The following NRG1 variants were observed in gnomAD, a reference collection of about 807,000 sequenced individuals.
NRG1 encodes pro-neuregulin-1, membrane-bound isoform.
A neutral mutation model predicts 63.8 loss-of-function variants in NRG1; 18 were observed. The ratio of observed to expected loss-of-function variants is 0.28; its 90% CI spans 0.19 to 0.42. The LOEUF (loss-of-function observed/expected upper bound fraction) is 0.42. Ranked by LOEUF, NRG1 falls within the 10% of genes least tolerant of loss-of-function variation. NRG1 has a pLI of 1.00. For missense variants in NRG1, 762 were observed against 814.7 expected (o/e 0.94, Z 0.79); for synonymous variants, 302 against 301.3 (o/e 1.00, Z -0.02).
chr8:32,413,406 G>A (rs1182088146), intron 1 of NRG1, among the ~76,000 whole-genome samples: 1 of 152,144 alleles, frequency 6.6e-6, no homozygotes, highest in Admixed American at 6.6e-5. Flanking sequence ...TATGCTCGAT[G>A]AGACCCTGAA....
chr8:32,726,387 C>T (rs572564757), intron 5 of NRG1, among the ~76,000 whole-genome samples: 8 of 152,084 alleles, frequency 5.3e-5, no homozygotes, highest in African/African-American at 1.4e-4. Context: ...TGTAAGAGTG[C>T]CATTACCCCT....
chr8:31,712,103 T>G (rs1428517759), intron 1 of NRG1, among the ~76,000 whole-genome samples: 2 of 152,046 alleles, frequency 1.3e-5, no homozygotes, highest in African/African-American at 2.4e-5. Context: ...TCATTTTATT[T>G]TGTTCTCCTT....
intron 1 of NRG1, among the ~76,000 whole-genome samples, chr8:31,703,880 C>A (rs1019574164): frequency 6.6e-6 from 1 of 152,196 alleles, no homozygotes; most frequent in Non-Finnish European, 1.5e-5. Flanking sequence ...CTGCTTTTGT[C>A]TGATTTGTAC....
At chr8:32,001,334 G>A (rs2129665200) in intron 1 of NRG1, among the ~76,000 whole-genome samples, 1 of 151,964 alleles carries the variant, frequency 6.6e-6, no homozygotes, top group Non-Finnish European at 1.5e-5. Flanking sequence ...GTTTTATAAA[G>A]GGGAGTTCCC....
intron 1 of NRG1, among the ~76,000 whole-genome samples, chr8:32,101,987 GC>G (rs1380883362): frequency 6.6e-6 from 1 of 152,076 alleles, no homozygotes; most frequent in Non-Finnish European, 1.5e-5. Flanking sequence ...TTAGAGAAGG[GC>G]TTTGCATTTA....
chr8:32,700,162 T>G (rs1814469264), intron 5 of NRG1, among the ~76,000 whole-genome samples: 1 of 152,198 alleles, frequency 6.6e-6, no homozygotes, highest in South Asian at 2.1e-4. Context: ...TCTGTATCTG[T>G]CTTTGGTGCT....
chr8:32,754,401 C>T (rs757988299), exon 8 of NRG1: 1 of 1,613,820 alleles, frequency 6.2e-7, no homozygotes, highest in Admixed American at 1.7e-5. Context: ...GAAGAGAGTG[C>T]TGACCATAAC....
At chr8:32,338,079 A>G (rs995477332) in intron 1 of NRG1, among the ~76,000 whole-genome samples, 1 of 152,214 alleles carries the variant, frequency 6.6e-6, no homozygotes, top group African/African-American at 2.4e-5. Context: ...CAAATCTGCC[A>G]CACGAAATTT....
At chr8:31,768,253 T>C (rs564182674) in intron 1 of NRG1, among the ~76,000 whole-genome samples, 36 of 152,316 alleles carry the variant, frequency 2.4e-4, no homozygotes, top group African/African-American at 6.7e-4. Flanking sequence ...ACAGCTGATA[T>C]TTCCCATATA....
chr8:32,410,176 CTTTTTTTTT>C (rs374377158), intron 1 of NRG1, among the ~76,000 whole-genome samples: 10 of 99,308 alleles, frequency 1.0e-4, no homozygotes, highest in African/African-American at 3.5e-4. Context: ...TTTTTCTTTC[CTTTTTTTTT>C]TTTTTTTTTT....
chr8:32,107,556 C>T (rs1471109951), intron 1 of NRG1, among the ~76,000 whole-genome samples: 1 of 152,080 alleles, frequency 6.6e-6, no homozygotes, highest in Non-Finnish European at 1.5e-5. Context: ...GTTAATCATT[C>T]TTGATTTTTT....
At chr8:31,813,718 A>G (rs1035725803) in intron 1 of NRG1, among the ~76,000 whole-genome samples, 14 of 151,700 alleles carry the variant, frequency 9.2e-5, no homozygotes, top group African/African-American at 3.4e-4. Flanking sequence ...TGTCAAGACA[A>G]GGTTTGTCAT....
intron 1 of NRG1, among the ~76,000 whole-genome samples, chr8:31,673,128 G>C (rs1456710626): frequency 6.6e-6 from 1 of 151,992 alleles, no homozygotes; most frequent in Non-Finnish European, 1.5e-5. Flanking sequence ...TTAAATTGTA[G>C]TATATATAAG....
chr8:32,051,892 A>T (rs1822035629), intron 1 of NRG1, among the ~76,000 whole-genome samples: 1 of 152,176 alleles, frequency 6.6e-6, no homozygotes, highest in East Asian at 1.9e-4. Flanking sequence ...AGAAGTTCAT[A>T]TTTGCAGCGG....
At chr8:32,559,117 A>G (rs371843602) in intron 1 of NRG1, among the ~76,000 whole-genome samples, 70 of 150,734 alleles carry the variant, frequency 4.6e-4, no homozygotes, top group Non-Finnish European at 9.0e-4. Context: ...TAACAACCAT[A>G]TCAAAAGAAC....
At chr8:32,006,004 C>T (rs963120342) in intron 1 of NRG1, among the ~76,000 whole-genome samples, 2 of 151,930 alleles carry the variant, frequency 1.3e-5, no homozygotes, top group Non-Finnish European at 2.9e-5. Flanking sequence ...ACTACCTAAG[C>T]CTGGATGTTT....
At chr8:32,585,422 G>A (rs1392037750) in intron 1 of NRG1, among the ~76,000 whole-genome samples, 2 of 152,158 alleles carry the variant, frequency 1.3e-5, no homozygotes, top group Admixed American at 1.3e-4. Context: ...AGGCAGGCCT[G>A]CTGAACACTT....
chr8:31,716,744 A>G (rs1037459281), intron 1 of NRG1, among the ~76,000 whole-genome samples: 2 of 152,200 alleles, frequency 1.3e-5, no homozygotes, highest in African/African-American at 4.8e-5. Flanking sequence ...TACGGTTCTA[A>G]TTTTTAAAAT....
At chr8:32,125,248 G>A (rs1261170689) in intron 1 of NRG1, among the ~76,000 whole-genome samples, 1 of 151,924 alleles carries the variant, frequency 6.6e-6, no homozygotes, top group East Asian at 1.9e-4. Flanking sequence ...CTATGGTATT[G>A]TGTTATAGCA....
Sources: allele counts gnomAD v4.1 joint callset (sites outside exome capture counted in the v4.1 genomes callset), GRCh38; gene constraint gnomAD v4.1.1; transcripts MANE v1.5; gene names NCBI Gene and HGNC (gene_info 2026-07-23, HGNC 2026-07-21).